The following VWA8 variants were observed in gnomAD, a reference collection of about 807,000 sequenced individuals.
The protein encoded by VWA8 is von Willebrand factor A domain-containing protein 8.
Under a neutral mutation model 241.5 loss-of-function variants are expected in VWA8, and 221 were observed. That is an observed-to-expected ratio of 0.91 (90% CI 0.82 to 1.02). VWA8 has a LOEUF of 1.02. Among genes scored for constraint, VWA8 ranks in the 50% least tolerant of loss-of-function variants. The probability of loss-of-function intolerance (pLI) is 0.00; values close to 1 mark genes in which losing one functional copy is unlikely to be tolerated. For missense variants in VWA8, 2,322 were observed against 2,328.7 expected, an observed-to-expected ratio of 1.00 and a Z score of 0.06; for synonymous variants, 852 against 827.1, an observed-to-expected ratio of 1.03 and a Z score of -0.52.
intron 12 of VWA8, among the ~76,000 whole-genome samples, chr13:41,848,171 C>A (rs893412087): frequency 1.7e-4 from 26 of 152,270 alleles, no homozygotes; most frequent in African/African-American, 6.3e-4. Context: ...CCTTTTGGCA[C>A]CTTCCTCACA....
intron 12 of VWA8, among the ~76,000 whole-genome samples, chr13:41,840,798 T>C (rs928462697): frequency 6.7e-5 from 10 of 149,410 alleles, no homozygotes; most frequent in South Asian, 2.1e-4. Context: ...GATCACAACA[T>C]CAACACCAAA....
intron 35 of VWA8, among the ~76,000 whole-genome samples, chr13:41,684,050 T>C (rs1232684221): frequency 6.6e-6 from 1 of 152,190 alleles, no homozygotes; most frequent in Non-Finnish European, 1.5e-5. Flanking sequence ...GAATGGATTG[T>C]AAACTTCTAC....
chr13:41,588,435 A>G (rs556591886), intron 41 of VWA8, among the ~76,000 whole-genome samples: 8 of 152,338 alleles, frequency 5.3e-5, no homozygotes, highest in African/African-American at 1.9e-4. Context: ...ATAAAAAAGA[A>G]GAAGGCTGCG....
chr13:41,923,955 A>C (rs4620863), intron 2 of VWA8, among the ~76,000 whole-genome samples: 29,155 of 152,084 alleles, frequency 0.19, 3,587 homozygotes, highest in East Asian at 0.37. Flanking sequence ...AATGCACAGA[A>C]ATCAGCATCA....
chr13:41,929,949 C>T (rs1180645606), intron 2 of VWA8, among the ~76,000 whole-genome samples: 1 of 152,056 alleles, frequency 6.6e-6, no homozygotes, highest in East Asian at 1.9e-4. Context: ...GAAAAGGTAA[C>T]TTATCAATTA....
chr13:41,715,591 G>A (rs569025434), intron 26 of VWA8, among the ~76,000 whole-genome samples: 3 of 152,056 alleles, frequency 2.0e-5, no homozygotes, highest in South Asian at 4.1e-4. Flanking sequence ...AAGTTCACTT[G>A]AGGAAAAAAC....
chr13:41,768,422 A>G (rs1163477218), intron 20 of VWA8, among the ~76,000 whole-genome samples: 1 of 152,222 alleles, frequency 6.6e-6, no homozygotes, highest in African/African-American at 2.4e-5. Context: ...CTAAACCTCT[A>G]TCAGGAGAAA....
chr13:41,616,039 C>T (rs750962441), intron 37 of VWA8, among the ~76,000 whole-genome samples: 5 of 152,162 alleles, frequency 3.3e-5, no homozygotes, highest in South Asian at 2.1e-4. Flanking sequence ...AAGCCATTGA[C>T]GATTGGTTCC....
In VWA8 at chr13:41,816,744, T is replaced by C. The variant is rs756323933; in HGVS notation, c.1901A>G (p.Lys634Arg). ...GAGTTTGTGTGTAAATGATAATAAC[T>C]TATCCAGAGCTTCCTGAGGTACATT... is the stretch of plus-strand genomic sequence containing the variant. ...VPNVPQEALD[K>R]LLSFTHKLRE... Residue 634 changes from lysine (K) to arginine (R), a missense_variant, in exon 16 of 45, where the codon AAG becomes AGG. Physicochemically the swap from Lys to Arg is conservative, Grantham distance 26. Transcript: ENST00000379310. The C allele has an allele frequency of 1.9e-5, 31 of 1,613,592 alleles. No individual in the cohort carries two copies. Among genetic ancestry groups the C allele is most frequent in the Admixed American group, 1.2e-4 (7 of 59,990 alleles).
chr13:41,704,462 A>ATT (rs1566421929), intron 26 of VWA8, among the ~76,000 whole-genome samples: 5 of 149,124 alleles, frequency 3.4e-5, no homozygotes, highest in Non-Finnish European at 3.0e-5. Context: ...TTAAGTCTTC[A>ATT]CTTTTTTTTT....
intron 17 of VWA8, among the ~76,000 whole-genome samples, chr13:41,788,679 C>T (rs1869317352): frequency 6.6e-6 from 1 of 152,148 alleles, no homozygotes; most frequent in Admixed American, 6.6e-5. Flanking sequence ...GGCTTTTGTC[C>T]TGTTTCCTGA....
chr13:41,776,324 T>C (rs1329305447), intron 20 of VWA8, among the ~76,000 whole-genome samples: 2 of 152,194 alleles, frequency 1.3e-5, no homozygotes, highest in African/African-American at 4.8e-5. Flanking sequence ...TACAAAGTAC[T>C]TTGGGCTATA....
chr13:41,959,510 A>AAAAAAAAGAAAAAAAAAAAAAG (rs1555249159), intron 1 of VWA8, among the ~76,000 whole-genome samples: 1 of 149,960 alleles, frequency 6.7e-6, no homozygotes, highest in African/African-American at 2.5e-5. Flanking sequence ...AAAAAAAAAA[A>AAAAAAAAGAAAAAAAAAAAAAG]CAAAAAGTAA....
At chr13:41,660,677 A>C (rs1464437743) in intron 37 of VWA8, among the ~76,000 whole-genome samples, 2 of 152,144 alleles carry the variant, frequency 1.3e-5, no homozygotes, top group Non-Finnish European at 2.9e-5. Flanking sequence ...TGTGCACTGA[A>C]TCACGCTGCT....
chr13:41,931,442 G>T (rs1461317488), intron 2 of VWA8, among the ~76,000 whole-genome samples: 2 of 151,918 alleles, frequency 1.3e-5, no homozygotes, highest in African/African-American at 4.8e-5. Flanking sequence ...ATACAGGTCA[G>T]AGTATTTAAA....
chr13:41,657,396 C>A (rs1304404519), intron 37 of VWA8, among the ~76,000 whole-genome samples: 4 of 151,794 alleles, frequency 2.6e-5, no homozygotes, highest in Admixed American at 2.6e-4. Flanking sequence ...TAATAAACAT[C>A]ATTTTACATA....
At chr13:41,646,661 G>A (rs1014501976) in intron 37 of VWA8, among the ~76,000 whole-genome samples, 1 of 152,100 alleles carries the variant, frequency 6.6e-6, no homozygotes, top group Non-Finnish European at 1.5e-5. Flanking sequence ...GTTTTATAAA[G>A]CATATCATGG....
intron 2 of VWA8, among the ~76,000 whole-genome samples, chr13:41,945,094 C>G (rs1013345760): frequency 1.3e-5 from 2 of 152,100 alleles, no homozygotes; most frequent in Non-Finnish European, 2.9e-5. Context: ...GGTTGAGACA[C>G]AACTGTAAGC....
intron 21 of VWA8, among the ~76,000 whole-genome samples, chr13:41,740,437 C>A (rs1173253041): frequency 6.6e-6 from 1 of 152,196 alleles, no homozygotes; most frequent in Non-Finnish European, 1.5e-5. Context: ...TTGTCCTGAG[C>A]CAACACTTTC....
Sources: gnomAD v4.1 joint callset for allele counts (sites outside exome capture counted in the v4.1 genomes callset) on GRCh38, gnomAD v4.1.1 for gene constraint, MANE v1.5 for transcripts, NCBI Gene and HGNC (gene_info 2026-07-23, HGNC 2026-07-21) for gene names.